Variants in UGT1A10 observed in about 807,000 individuals in gnomAD.
The protein encoded by UGT1A10 is UDP-glucuronosyltransferase 1A10.
Under a neutral mutation model 45.8 loss-of-function variants are expected in UGT1A10, and 49 were observed. The observed-to-expected ratio is 1.07, with a 90% CI of 0.85 to 1.36. The LOEUF is 1.36. Among genes scored for constraint, UGT1A10 ranks in the 40% most tolerant of loss-of-function variants. UGT1A10 has a pLI of 0.00. For missense variants in UGT1A10, 745 were observed against 668.6 expected, an observed-to-expected ratio of 1.11 and a Z score of -1.26; for synonymous variants, 284 against 249.7, an observed-to-expected ratio of 1.14 and a Z score of -1.29.
intron 1 of UGT1A10, among the ~76,000 whole-genome samples, chr2:233,650,458 C>T (rs1381201465): frequency 2.0e-5 from 3 of 152,154 alleles, no homozygotes; most frequent in Non-Finnish European, 4.4e-5. Context: ...TGTTAATTGT[C>T]AGTCTTCTTC....
At chr2:233,695,391 TG>T (rs377616491) in intron 1 of UGT1A10, among the ~76,000 whole-genome samples, 3 of 151,868 alleles carry the variant, frequency 2.0e-5, no homozygotes, top group African/African-American at 7.2e-5. Flanking sequence ...CCCAAAGTGC[TG>T]GGATTACAGG....
intron 1 of UGT1A10, among the ~76,000 whole-genome samples, chr2:233,666,022 T>C (rs1001442880): frequency 7.2e-5 from 11 of 152,174 alleles, no homozygotes; most frequent in African/African-American, 1.2e-4. Context: ...TTTATTTGGC[T>C]GGTGGTTCAT....
chr2:233,698,146 C>A (rs2075427609), intron 1 of UGT1A10, among the ~76,000 whole-genome samples: 1 of 152,142 alleles, frequency 6.6e-6, no homozygotes, highest in Non-Finnish European at 1.5e-5. Flanking sequence ...CAACTGTATT[C>A]CCAGCATGTC....
intron 1 of UGT1A10, chr2:233,748,131 A>C: frequency 6.2e-7 from 1 of 1,610,240 alleles, no homozygotes; most frequent in Non-Finnish European, 8.5e-7. Context: ...ACAGTTTTTA[A>C]AAATTGTATT....
At chr2:233,767,811 GTTCT>G (rs753422454) in intron 2 of UGT1A10, 34 bp from the exon 3 acceptor site, 1 of 1,614,124 alleles carries the variant, frequency 6.2e-7, no homozygotes, top group South Asian at 1.1e-5. Flanking sequence ...ATCATATTAT[GTTCT>G]TTCTTTACGT....
At chr2:233,759,502 A>G (rs1487597943) in intron 1 of UGT1A10, among the ~76,000 whole-genome samples, 1 of 152,052 alleles carries the variant, frequency 6.6e-6, no homozygotes, top group Non-Finnish European at 1.5e-5. Flanking sequence ...GGTTCACACT[A>G]ATAAAGGCCT....
intron 1 of UGT1A10, among the ~76,000 whole-genome samples, chr2:233,751,390 T>C (rs1694715648): frequency 6.6e-6 from 1 of 152,170 alleles, no homozygotes; most frequent in Non-Finnish European, 1.5e-5. Flanking sequence ...TTGTCTCAGA[T>C]AAGACTTTGG....
In UGT1A10 at chr2:233,693,134, G is replaced by C. The variant is rs767703127; in HGVS notation, c.855+55757G>C. 20 of 1,614,202 alleles carry C rather than the reference G, an allele frequency of 1.2e-5. No individual in the cohort carries two copies. The highest frequency in any genetic ancestry group is 1.6e-4 in the Middle Eastern group (1 of 6,062). ...CGGAAGCCACTGGCTTAGTATGAAG[G>C]ATATAGTTGAGGTTCTCAGTGACCG... On this transcript the variant is annotated intron_variant, in intron 1 of 4. Transcript: ENST00000344644.
At chr2:233,704,256 CT>C (rs59925871) in intron 1 of UGT1A10, among the ~76,000 whole-genome samples, 3,570 of 123,594 alleles carry the variant, frequency 0.029, 58 homozygotes, top group South Asian at 0.052. Context: ...GCCTTTATTG[CT>C]TTTTTTTTTT....
At chr2:233,752,177 T>C (rs1381514307) in intron 1 of UGT1A10, among the ~76,000 whole-genome samples, 5 of 152,176 alleles carry the variant, frequency 3.3e-5, no homozygotes, top group Non-Finnish European at 7.3e-5. Context: ...TGATGTAAGC[T>C]GAATTAAAAT....
At chr2:233,727,671 A>C (rs2077638679) in intron 1 of UGT1A10, among the ~76,000 whole-genome samples, 2 of 152,110 alleles carry the variant, frequency 1.3e-5, no homozygotes, top group Non-Finnish European at 2.9e-5. Context: ...TGTCCTTACA[A>C]ATTCCCAGGA....
At chr2:233,693,672 A>G in intron 1 of UGT1A10, 1 of 1,614,118 alleles carries the variant, frequency 6.2e-7, no homozygotes, top group Non-Finnish European at 8.5e-7. Flanking sequence ...TATCTATTTT[A>G]TTGTCTGTTT....
chr2:233,671,703 CA>C, intron 1 of UGT1A10: 1 of 904,008 alleles, frequency 1.1e-6, no homozygotes, highest in Non-Finnish European at 1.5e-6. Context: ...GCCCCCAAGG[CA>C]AAGACCATAA....
intron 1 of UGT1A10, among the ~76,000 whole-genome samples, chr2:233,643,305 A>G (rs1335095576): frequency 6.6e-6 from 1 of 152,096 alleles, no homozygotes; most frequent in African/African-American, 2.4e-5. Context: ...ATTTGCAAAG[A>G]CAGAGGAGCC....
At chr2:233,648,239 A>C (rs2073651429) in intron 1 of UGT1A10, 1 of 625,528 alleles carries the variant, frequency 1.6e-6, no homozygotes, top group South Asian at 2.5e-5. Flanking sequence ...TTAGTAGAAT[A>C]CTTAAAGGAG....
In UGT1A10 at chr2:233,740,517, A is replaced by G. The variant is rs139363796; in HGVS notation, c.856-26517A>G. On this transcript the variant is annotated intron_variant, in intron 1 of 4. Transcript: ENST00000344644. ...CTTTCCAGTGTGTGATGTAAGCTGA[A>G]CTAAAATCAGCTGTGTTGAACTCCA... 1.6e-4 allele frequency among the ~76,000 whole-genome samples: 25 copies of G among 152,030 alleles called. No individual in the cohort carries two copies. The East Asian group carries it at 4.2e-3, about 26-fold the overall frequency.
chr2:233,652,746 G>C (rs116846522), intron 1 of UGT1A10, among the ~76,000 whole-genome samples: 1 of 152,134 alleles, frequency 6.6e-6, no homozygotes, highest in Non-Finnish European at 1.5e-5. Context: ...AACAGAGGTC[G>C]CTGAGACAGC....
intron 1 of UGT1A10, among the ~76,000 whole-genome samples, chr2:233,702,009 G>A (rs566769996): frequency 5.3e-4 from 81 of 152,124 alleles, no homozygotes; most frequent in Non-Finnish European, 5.9e-5. Context: ...CAGAACTGAA[G>A]GAAATAGAGA....
At chr2:233,749,106 G>A (rs2125896769) in intron 1 of UGT1A10, among the ~76,000 whole-genome samples, 1 of 151,816 alleles carries the variant, frequency 6.6e-6, no homozygotes, top group Admixed American at 6.5e-5. Context: ...AGAGAATTCA[G>A]CCTTTTTATG....
Sources: gnomAD v4.1 joint callset for allele counts (sites outside exome capture counted in the v4.1 genomes callset) on GRCh38, gnomAD v4.1.1 for gene constraint, MANE v1.5 for transcripts, NCBI Gene and HGNC (gene_info 2026-07-23, HGNC 2026-07-21) for gene names.